The following TMEFF1 variants were observed in gnomAD, a reference collection of about 807,000 sequenced individuals.
The protein encoded by TMEFF1 is transmembrane protein with EGF like and two follistatin like domains 1.
A neutral mutation model predicts 47.5 loss-of-function variants in TMEFF1; 20 were observed. The ratio of observed to expected loss-of-function variants is 0.42; its 90% CI spans 0.30 to 0.61. The LOEUF is 0.61. Among genes scored for constraint, TMEFF1 ranks in the 20% least tolerant of loss-of-function variants. The pLI, the probability that TMEFF1 is intolerant of heterozygous loss-of-function variation, is 0.19. For missense variants in TMEFF1, 411 were observed against 471.1 expected (o/e 0.87, Z 1.18); for synonymous variants, 162 against 166.3 (o/e 0.97, Z 0.20).
intron 5 of TMEFF1, among the ~76,000 whole-genome samples, chr9:100,533,788 G>T (rs1299223912): frequency 6.6e-6 from 1 of 152,222 alleles, no homozygotes; most frequent in East Asian, 1.9e-4. Context: ...GTGCGATCTT[G>T]TTTCACTGCA....
At chr9:100,520,859 C>T (rs983401989) in intron 5 of TMEFF1, among the ~76,000 whole-genome samples, 34 of 152,190 alleles carry the variant, frequency 2.2e-4, no homozygotes, top group Non-Finnish European at 8.8e-5. Flanking sequence ...TGTGCATGCA[C>T]ATGTAGAGGC....
At chr9:100,545,430 A>G (rs1226314717) in intron 5 of TMEFF1, among the ~76,000 whole-genome samples, 1 of 152,166 alleles carries the variant, frequency 6.6e-6, no homozygotes, top group East Asian at 1.9e-4. Flanking sequence ...CCTTTCAGCC[A>G]TGGCTGGAGC....
intron 5 of TMEFF1, among the ~76,000 whole-genome samples, chr9:100,542,198 A>G (rs1838646618): frequency 6.6e-6 from 1 of 151,412 alleles, no homozygotes; most frequent in South Asian, 2.1e-4. Flanking sequence ...TAACATGCAT[A>G]TTCAGCTTAT....
intron 5 of TMEFF1, among the ~76,000 whole-genome samples, chr9:100,539,460 T>G (rs1299804161): frequency 6.6e-6 from 1 of 152,172 alleles, no homozygotes; most frequent in African/African-American, 2.4e-5. Context: ...GTCTGGAGTT[T>G]CTTCCTTCTG....
chr9:100,543,604 T>A (rs1838673984), intron 5 of TMEFF1, among the ~76,000 whole-genome samples: 1 of 151,826 alleles, frequency 6.6e-6, no homozygotes, highest in South Asian at 2.1e-4. Flanking sequence ...ACAGCAGGGG[T>A]GTGTCCAATC....
rs750200193 is a variant in TMEFF1 at position 100,547,941 on chromosome 9, A to G, written c.709+49A>G. The G allele has an allele frequency of 2.1e-6, 3 of 1,425,726 alleles. No homozygotes were observed. In the Admixed American group the frequency reaches 7.7e-5, roughly 36 times the overall value. The allele number at this position is 1,425,726 out of a possible 1,614,324, so 88.3% of individuals were successfully genotyped here. On this transcript the variant is annotated intron_variant, in intron 6 of 9. Transcript: ENST00000374879. Reference sequence around the variant, plus strand: ...GAGACCCATCTTTATTATTGTATAAATGTAATCTTATTTGTACATTTGGTA... The same window carrying G: ...GAGACCCATCTTTATTATTGTATAAGTGTAATCTTATTTGTACATTTGGTA...
rs566790425 is a variant in TMEFF1, at chr9:100,517,006, A to G, written c.560+235A>G. Among the ~76,000 whole-genome samples the G allele has an allele frequency of 5.9e-5, 9 of 152,210 alleles. No homozygotes were observed. In the East Asian group the frequency reaches 1.2e-3, roughly 20 times the overall value. ...CATTTATAGTTTTCTGGTTTTATCT[A>G]TGCTTTTCTTCCTCCCTGTAGTTTT... On this transcript the variant is annotated intron_variant, in intron 5 of 9. Transcript: ENST00000374879.
At chr9:100,477,228 T>C (rs1238770475) in intron 1 of TMEFF1, among the ~76,000 whole-genome samples, 2 of 152,202 alleles carry the variant, frequency 1.3e-5, no homozygotes, top group African/African-American at 2.4e-5. Flanking sequence ...CTGCGACATA[T>C]TACTGGAGAC....
At chr9:100,539,467 T>C (rs1221379322) in intron 5 of TMEFF1, among the ~76,000 whole-genome samples, 1 of 152,150 alleles carries the variant, frequency 6.6e-6, no homozygotes, top group Non-Finnish European at 1.5e-5. Flanking sequence ...GTTTCTTCCT[T>C]CTGGTGGGTT....
chr9:100,518,039 C>T (rs536104631), intron 5 of TMEFF1, among the ~76,000 whole-genome samples: 3 of 152,116 alleles, frequency 2.0e-5, no homozygotes, highest in South Asian at 2.1e-4. Context: ...ATTCCTTTCG[C>T]GGTGCTTCTA....
intron 2 of TMEFF1, among the ~76,000 whole-genome samples, chr9:100,507,614 C>A (rs921022758): frequency 2.0e-5 from 3 of 152,082 alleles, no homozygotes; most frequent in Admixed American, 6.6e-5. Context: ...TGATGTTGAG[C>A]ATTTTTTCAT....
intron 7 of TMEFF1, among the ~76,000 whole-genome samples, chr9:100,551,824 T>C (rs1441303403): frequency 1.3e-5 from 2 of 152,206 alleles, no homozygotes; most frequent in Non-Finnish European, 2.9e-5. Context: ...AAAGTAGAAA[T>C]TGATTATTGC....
intron 5 of TMEFF1, among the ~76,000 whole-genome samples, chr9:100,527,386 C>T (rs1213201494): frequency 1.3e-5 from 2 of 152,160 alleles, no homozygotes; most frequent in African/African-American, 4.8e-5. Flanking sequence ...GGTGCGCGCA[C>T]AGTGCGTGAG....
At chr9:100,533,090 G>T (rs1838426805) in intron 5 of TMEFF1, among the ~76,000 whole-genome samples, 1 of 126,996 alleles carries the variant, frequency 7.9e-6, no homozygotes, top group Non-Finnish European at 1.6e-5. Context: ...GACTATTGTG[G>T]GGTGGGGGGA....
At chr9:100,545,315 C>G (rs532910693) in intron 5 of TMEFF1, among the ~76,000 whole-genome samples, 1 of 152,202 alleles carries the variant, frequency 6.6e-6, no homozygotes, top group Non-Finnish European at 1.5e-5. Context: ...GTTCCCAAAC[C>G]CCATTTCTTG....
chr9:100,536,813 A>G (rs528767624), intron 5 of TMEFF1, among the ~76,000 whole-genome samples: 1 of 152,334 alleles, frequency 6.6e-6, no homozygotes, highest in East Asian at 1.9e-4. Context: ...AGGTCAGATG[A>G]TAGTTGCAAT....
chr9:100,539,484 C>T (rs1179025213), intron 5 of TMEFF1, among the ~76,000 whole-genome samples: 4 of 152,118 alleles, frequency 2.6e-5, no homozygotes, highest in African/African-American at 7.2e-5. Flanking sequence ...GGTTCGTAGT[C>T]TTGCTGTCTT....
chr9:100,502,952 C>T (rs758089023), intron 2 of TMEFF1, among the ~76,000 whole-genome samples: 1 of 152,156 alleles, frequency 6.6e-6, no homozygotes, highest in Non-Finnish European at 1.5e-5. Flanking sequence ...CAAACTGCCT[C>T]AGGGCTTACA....
intron 5 of TMEFF1, among the ~76,000 whole-genome samples, chr9:100,541,347 C>CGTTTTTTTTTTTTT (rs748303966): frequency 7.6e-6 from 1 of 131,440 alleles, no homozygotes; most frequent in Non-Finnish European, 1.7e-5. Flanking sequence ...TTGGCAATTT[C>CGTTTTTTTTTTTTT]ATTTTTTTTT....
Sources: gnomAD v4.1 joint callset for allele counts (sites outside exome capture counted in the v4.1 genomes callset) on GRCh38, gnomAD v4.1.1 for gene constraint, MANE v1.5 for transcripts, NCBI Gene and HGNC (gene_info 2026-07-23, HGNC 2026-07-21) for gene names.